The following RSKR variants were observed in gnomAD, a reference collection of about 807,000 sequenced individuals.
The protein encoded by RSKR is ribosomal protein S6 kinase related.
A neutral mutation model predicts 56.8 loss-of-function variants in RSKR; 44 were observed. The observed-to-expected ratio is 0.77, with a 90% CI of 0.61 to 1.00. The LOEUF is 1.00. Ranked by LOEUF, RSKR falls within the 50% of genes least tolerant of loss-of-function variation. RSKR has a pLI of 0.00. For synonymous variants in RSKR, 181 were observed against 188.0 expected, an observed-to-expected ratio of 0.96 and a Z score of 0.30; for missense variants, 510 against 506.9, an observed-to-expected ratio of 1.01 and a Z score of -0.06.
At position 28,611,780 on chromosome 17, in the gene RSKR, G is replaced by T; in HGVS notation, c.709C>A (p.Leu237Ile). ...GAAAAAGACTTACCTCGTTCATCTAGAAGAATATTCTCCATCTGAAAGATC... is the reference window on the plus strand; with the variant it reads ...GAAAAAGACTTACCTCGTTCATCTATAAGAATATTCTCCATCTGAAAGATC... ...HRDVKMENIL[L>I]DERGHLKLTD... Residue 237 changes from leucine to isoleucine, a missense_variant, in exon 8 of 12, where the codon CTA becomes ATA. Leu to Ile is a conservative substitution (Grantham distance 5, BLOSUM62 2). Coordinates refer to ENST00000301037, the MANE Select transcript of RSKR (RefSeq NM_001174103.2). 3 of 1,614,158 alleles carry T rather than the reference G, an allele frequency of 1.9e-6. No homozygotes were observed. Among genetic ancestry groups the T allele is most frequent in the Middle Eastern group, 1.6e-4 (1 of 6,062 alleles).
At chr17:28,613,832 T>C in intron 1 of RSKR, 144 bp from the exon 2 acceptor site, 2 of 1,247,156 alleles carry the variant, frequency 1.6e-6, no homozygotes, top group South Asian at 3.0e-5. Flanking sequence ...TTACCCTTGC[T>C]TTGTGCTAAG....
chr17:28,611,411 GAA>G lies in RSKR; in HGVS notation c.880_881del (p.Phe294LeufsTer26). The G allele has an allele frequency of 1.3e-6, 2 of 1,597,846 alleles. No homozygotes were observed. Among genetic ancestry groups the G allele is most frequent in the Non-Finnish European group, 1.7e-6 (2 of 1,177,490 alleles). ...CTCTCACCTTTCCAGTCGCCAGAGA[GAA>G]AAGCAAGACACCCAGGGACCACCAA... ...ADWWSLGVLL[F>X]SLATGKFPVA... On this transcript the variant is annotated frameshift_variant, in exon 10 of 12. Transcript: ENST00000301037. LOFTEE classifies it high-confidence loss of function.
At position 28,610,821 on chromosome 17, in the gene RSKR, T is replaced by C. The variant is rs74941035; in HGVS notation, c.1012-122A>G. ...GGGTAGGAATAAGAACCCTGAAGAG[T>C]AGATGATTTGTAAAAGAGGGAGAAA... On this transcript the variant is annotated intron_variant, in intron 11 of 11. Coordinates refer to ENST00000301037, the MANE Select transcript of RSKR (RefSeq NM_001174103.2). The C allele has an allele frequency of 6.8e-4, 659 of 975,346 alleles. 8 individuals are homozygous for C. The African/African-American group carries it at 7.6e-3, about 11-fold the overall frequency. 60.4% of individuals were successfully genotyped at this position (975,346 alleles called of 1,614,324 possible).
In RSKR at chr17:28,610,667, A is replaced by T; in HGVS notation, c.1044T>A (p.Arg348=). Residue 348 remains arginine, a synonymous_variant, in exon 12 of 12, where the codon CGT becomes CGA. Coordinates refer to ENST00000301037, the MANE Select transcript of RSKR (RefSeq NM_001174103.2). ...LLCQNPLHRL[R]YLHHFQVHPF... ...GGTGGACCTGGAAGTGATGCAGATA[A>T]CGTAGACGATGGAGGGGGTTCTGGC... is the stretch of plus-strand genomic sequence containing the variant. 2 of 1,536,130 alleles carry T rather than the reference A, an allele frequency of 1.3e-6. No homozygotes were observed. Among genetic ancestry groups the T allele is most frequent in the Non-Finnish European group, 1.7e-6 (2 of 1,146,912 alleles).
Position 28,614,142 on chromosome 17 carries a change from C to G in RSKR, c.20G>C (p.Arg7Pro), listed in dbSNP as rs562311472. Residue 7 changes from arginine to proline, a missense_variant, in exon 1 of 12, where the codon CGG becomes CCG. Physicochemically the swap from Arg to Pro is moderately radical, Grantham distance 103. Coordinates refer to ENST00000301037, the MANE Select transcript of RSKR (RefSeq NM_001174103.2). MGAVSC[R>P]QGQHTQQGEH... ...CCCCTGCTGGGTGTGCTGCCCCTGC[C>G]GACAGCTTACTGCTCCCATTCCCAG... 1.3e-5 allele frequency: 21 copies of G among 1,613,468 alleles called. No individual in the cohort carries two copies. In the South Asian group the frequency reaches 2.3e-4, roughly 18 times the overall value.
chr17:28,613,799 T>C (rs927715086), intron 1 of RSKR, 111 bp from the exon 2 acceptor site: 12 of 1,465,400 alleles, frequency 8.2e-6, no homozygotes, highest in Admixed American at 2.4e-5. Flanking sequence ...AGGTACATTT[T>C]TGAGCATGAG....
At chr17:28,613,781 A>G in intron 1 of RSKR, 93 bp from the exon 2 acceptor site, 10 of 1,541,352 alleles carry the variant, frequency 6.5e-6, no homozygotes, top group Non-Finnish European at 7.9e-6. Context: ...TTAAGTCTCA[A>G]CCCCTAGAGG....
In RSKR at chr17:28,613,088, A is replaced by G; in HGVS notation, c.467T>C (p.Val156Ala). The G allele has an allele frequency of 6.2e-7, 1 of 1,614,074 alleles. No individual in the cohort carries two copies. The highest frequency in any genetic ancestry group is 8.5e-7 in the Non-Finnish European group (1 of 1,180,018). ...GGACTCTGTGCATACCTGGATGCTAACCTCCTCTTTGCACTGCCTCACGGT... is the reference window on the plus strand; with the variant it reads ...GGACTCTGTGCATACCTGGATGCTAGCCTCCTCTTTGCACTGCCTCACGGT... ...RDTVRQCKEEVSIQRQINHPF... is the reference protein window; with the variant it reads ...RDTVRQCKEEASIQRQINHPF... Residue 156 changes from valine to alanine, a missense_variant, in exon 4 of 12, where the codon GTT (valine) becomes GCT (alanine). Val to Ala is a moderately conservative substitution (Grantham distance 64, BLOSUM62 0). Transcript: ENST00000301037.
chr17:28,611,009 G>T, intron 11 of RSKR, 134 bp downstream of exon 11: 1 of 785,560 alleles, frequency 1.3e-6, no homozygotes. Flanking sequence ...CAGCTTAGAT[G>T]GCAAGTAGTT....
Position 28,610,609 on chromosome 17 carries a change from G to T in RSKR, c.1102C>A (p.Leu368Ile), listed in dbSNP as rs1215821709. ...FFRGVAFDPELLQKQPVNFVT... is the reference protein window; with the variant it reads ...FFRGVAFDPEILQKQPVNFVT... Reference sequence around the variant, plus strand: ...AAGTTCACTGGCTGCTTCTGTAGGAGCTCTGGGTCGAAGGCCACACCCCGA... The same window carrying T: ...AAGTTCACTGGCTGCTTCTGTAGGATCTCTGGGTCGAAGGCCACACCCCGA... The change falls in exon 12 of 12, where the codon CTC becomes ATC. Residue 368 changes from leucine (L) to isoleucine (I), a missense_variant. Leu to Ile is a conservative substitution (Grantham distance 5, BLOSUM62 2). Transcript: ENST00000301037. The T allele has an allele frequency of 1.3e-6, 2 of 1,536,040 alleles. No homozygotes were observed. The highest frequency in any genetic ancestry group is 1.2e-5 in the South Asian group (1 of 84,064).
Position 28,610,825 on chromosome 17 carries a change from T to C in RSKR, c.1012-126A>G, listed in dbSNP as rs548231055. ...AGGAATAAGAACCCTGAAGAGTAGA[T>C]GATTTGTAAAAGAGGGAGAAATAGA... On this transcript the variant is annotated intron_variant, in intron 11 of 11. Transcript: ENST00000301037. The C allele has an allele frequency of 5.2e-6, 5 of 963,758 alleles. No individual in the cohort carries two copies. In the African/African-American group the frequency reaches 6.6e-5, roughly 13 times the overall value. The allele number at this position is 963,758 out of a possible 1,614,324, so 59.7% of individuals were successfully genotyped here. A position where few individuals can be genotyped will look rare whatever the true frequency, so the allele number is the denominator to read the frequency against.
chr17:28,611,474 C>T lies in RSKR; in HGVS notation c.819G>A (p.Glu273=), dbSNP rs755957296. Reference sequence around the variant, plus strand: ...GGTTGTAAGGTCCTCCACTTAGGACCTCTGGGGCTACAGATTTCAAAGATA... The same window carrying T: ...GGTTGTAAGGTCCTCCACTTAGGACTTCTGGGGCTACAGATTTCAAAGATA... The part of the protein sequence containing the change: ...ICGTLQYMAP[E]VLSGGPYNHA... The change falls in exon 10 of 12, where the codon GAG becomes GAA. Residue 273 remains glutamate (E), a synonymous_variant. Coordinates refer to ENST00000301037, the MANE Select transcript of RSKR (RefSeq NM_001174103.2). The T allele has an allele frequency of 1.9e-6, 3 of 1,599,650 alleles. No homozygotes were observed. Among genetic ancestry groups the T allele is most frequent in the Middle Eastern group, 3.4e-4 (2 of 5,956 alleles).
chr17:28,610,935 G>A, intron 11 of RSKR: 1 of 650,418 alleles, frequency 1.5e-6, no homozygotes, highest in South Asian at 2.0e-5. Context: ...TCTCAGAAGG[G>A]ACCTCTCTGT....
In RSKR at chr17:28,609,802, C is replaced by G. The variant is rs1401658987; in HGVS notation, c.*676G>C. On this transcript the variant is annotated 3_prime_UTR_variant, in exon 12 of 12. Coordinates refer to ENST00000301037, the MANE Select transcript of RSKR (RefSeq NM_001174103.2). ...AGTGGCTCACACCTACCTGTAATTC[C>G]AGCACTTTGGGAGGCCAAGGCAGGC... 3 of 149,460 alleles carry G rather than the reference C, an allele frequency of 2.0e-5. No individual in the cohort carries two copies. The highest frequency in any genetic ancestry group is 4.4e-5 in the Non-Finnish European group (3 of 67,694). 9.3% of individuals were successfully genotyped at this position (149,460 alleles called of 1,614,324 possible). A position where few individuals can be genotyped will look rare whatever the true frequency, so the allele number is the denominator to read the frequency against.
chr17:28,613,225 T>C (rs768594234), intron 3 of RSKR, 37 bp downstream of exon 3: 3 of 1,613,772 alleles, frequency 1.9e-6, no homozygotes, highest in East Asian at 2.2e-5. Flanking sequence ...GGAATCAAGA[T>C]TGGAAACAGA....
chr17:28,610,455 G>A lies in RSKR; in HGVS notation c.*23C>T. On this transcript the variant is annotated 3_prime_UTR_variant, in exon 12 of 12. Transcript: ENST00000301037. ...TGGAGATCTTCAGGCTCCCAGCCGGGCCCCAATTTACAGTAGAGAGGCTCA... is the reference window on the plus strand; with the variant it reads ...TGGAGATCTTCAGGCTCCCAGCCGGACCCCAATTTACAGTAGAGAGGCTCA... The A allele has an allele frequency of 6.5e-7, 1 of 1,531,192 alleles. No individual in the cohort carries two copies. The highest frequency in any genetic ancestry group is 8.8e-7 in the Non-Finnish European group (1 of 1,142,672). 94.9% of individuals were successfully genotyped at this position (1,531,192 alleles called of 1,614,324 possible).
chr17:28,611,356 A>G, intron 10 of RSKR, 37 bp downstream of exon 10: 1 of 1,539,104 alleles, frequency 6.5e-7, no homozygotes, highest in Non-Finnish European at 8.7e-7. Flanking sequence ...CACAAGGCAA[A>G]GCTCTTCTCT....
Position 28,611,384 on chromosome 17 carries a change from T to C in RSKR, c.900+9A>G, listed in dbSNP as rs2070811011. 6.4e-7 allele frequency: 1 copy of C among 1,567,694 alleles called. No homozygotes were observed. Among genetic ancestry groups the C allele is most frequent in the Non-Finnish European group, 8.6e-7 (1 of 1,162,838 alleles). On this transcript the variant is annotated intron_variant, in intron 10 of 11. Transcript: ENST00000301037. ...TCTTCTCTGCCCAAAACTACTACTA[T>C]TCTCTCACCTTTCCAGTCGCCAGAG...
chr17:28,611,673 G>A lies in RSKR; in HGVS notation c.722-17C>T, dbSNP rs752833022. ...TCAGATGGCCTATGAAAGAAGGTAA[G>A]GCAACTGCACCACTGTTCCACCCAT... On this transcript the variant is annotated splice_polypyrimidine_tract_variant and intron_variant, in intron 8 of 11. Coordinates refer to ENST00000301037, the MANE Select transcript of RSKR (RefSeq NM_001174103.2). 1 of 1,605,670 alleles carries A rather than the reference G, an allele frequency of 6.2e-7. No homozygotes were observed. Among genetic ancestry groups the A allele is most frequent in the Non-Finnish European group, 8.5e-7 (1 of 1,176,272 alleles).
Sources: gnomAD v4.1 joint callset for allele counts on GRCh38, gnomAD v4.1.1 for gene constraint, MANE v1.5 for transcripts, NCBI Gene and HGNC (gene_info 2026-07-23, HGNC 2026-07-21) for gene names.